ZNF169: variants seen among roughly 807,000 people sequenced by gnomAD.
ZNF169 encodes zinc finger protein 169.
ZNF169 carries 11 observed loss-of-function variants against 12.0 expected under a neutral mutation model. The observed-to-expected ratio is 0.92, with a 90% confidence interval of 0.58 to 1.52. The LOEUF is 1.52. Among genes scored for constraint, ZNF169 ranks in the 40% most tolerant of loss-of-function variants. ZNF169 has a pLI of 0.00. For synonymous variants in ZNF169, 302 were observed against 286.5 expected (o/e 1.05, Z -0.55); for missense variants, 722 against 744.0 (o/e 0.97, Z 0.34).
At chr9:94,292,525 A>G (rs199521876) in intron 3 of ZNF169, 58 bp downstream of exon 3, 4 of 1,569,872 alleles carry the variant, frequency 2.5e-6, no homozygotes, top group African/African-American at 2.7e-5. Context: ...AAGCTCTTAC[A>G]TAGCAAGCTG....
chr9:94,268,356 T>C (rs1830329612), intron 1 of ZNF169, among the ~76,000 whole-genome samples: 1 of 152,172 alleles, frequency 6.6e-6, no homozygotes, highest in Admixed American at 6.5e-5. Flanking sequence ...TATAGGAGTT[T>C]CCCATAACTT....
intron 1 of ZNF169, among the ~76,000 whole-genome samples, chr9:94,262,726 T>G (rs183910832): frequency 5.9e-5 from 9 of 152,246 alleles, no homozygotes; most frequent in African/African-American, 1.9e-4. Context: ...CCCAAAGTGC[T>G]GGGATTACAG....
intron 2 of ZNF169, among the ~76,000 whole-genome samples, chr9:94,281,877 G>A (rs1331553058): frequency 2.0e-5 from 3 of 152,156 alleles, no homozygotes; most frequent in Admixed American, 2.0e-4. Flanking sequence ...TTATTGTGCA[G>A]AAGAAGCTCT....
chr9:94,276,070 C>A (rs1564085486), intron 1 of ZNF169, among the ~76,000 whole-genome samples: 1 of 152,186 alleles, frequency 6.6e-6, no homozygotes, highest in Non-Finnish European at 1.5e-5. Context: ...AGCCACCACA[C>A]CTGGCCTGCA....
chr9:94,285,295 G>A (rs1830703465), intron 2 of ZNF169, among the ~76,000 whole-genome samples: 1 of 152,074 alleles, frequency 6.6e-6, no homozygotes, highest in Non-Finnish European at 1.5e-5. Flanking sequence ...AAAAGCTACG[G>A]GATAGACTTA....
intron 1 of ZNF169, among the ~76,000 whole-genome samples, chr9:94,277,783 T>A (rs1464022341): frequency 2.0e-5 from 3 of 151,780 alleles, no homozygotes; most frequent in South Asian, 2.1e-4. Flanking sequence ...TACAAAAAAA[T>A]TAGCCGGGCG....
intron 1 of ZNF169, among the ~76,000 whole-genome samples, chr9:94,273,575 C>CTTTTTTTTTTTTTTTTTTTTTTT (rs768421966): frequency 9.1e-6 from 1 of 109,964 alleles, no homozygotes. Flanking sequence ...AACTTTCTTT[C>CTTTTTTTTTTTTTTTTTTTTTTT]TTTCTTTTTT....
chr9:94,282,177 G>T (rs1234455065), intron 2 of ZNF169, among the ~76,000 whole-genome samples: 1 of 152,096 alleles, frequency 6.6e-6, no homozygotes, highest in East Asian at 1.9e-4. Context: ...GATATATAGG[G>T]TTAAATAAAA....
At chr9:94,280,284 C>A (rs948295951) in intron 2 of ZNF169, among the ~76,000 whole-genome samples, 1 of 152,130 alleles carries the variant, frequency 6.6e-6, no homozygotes, top group Non-Finnish European at 1.5e-5. Flanking sequence ...GTAGCACAGG[C>A]AGTTCAGGAT....
rs756018978 is a variant in ZNF169, at chr9:94,301,170, G to A, written c.1612G>A (p.Gly538Arg). The A allele has an allele frequency of 6.2e-7, 1 of 1,614,256 alleles. No individual in the cohort carries two copies. The highest frequency in any genetic ancestry group is 8.5e-7 in the Non-Finnish European group (1 of 1,180,056). ...TATCTCTGACCAAAGGACACACTCA[G>A]GAGAGAAGCCCTGCATTTGCGATGA... ...HLISDQRTHS[G>R]EKPCICDECG... Residue 538 changes from glycine (G) to arginine (R), a missense_variant, in exon 5 of 5, where the codon GGA (glycine) becomes AGA (arginine). By Grantham distance (125) the Gly-to-Arg change is moderately radical. Transcript: ENST00000395395.
intron 2 of ZNF169, among the ~76,000 whole-genome samples, chr9:94,286,187 A>G (rs1456586226): frequency 2.0e-5 from 3 of 152,206 alleles, no homozygotes; most frequent in Non-Finnish European, 4.4e-5. Context: ...CTGATAGACA[A>G]CATTTAACAT....
At position 94,292,640 on chromosome 9, in the gene ZNF169, T is replaced by TGTGTGTGC. The variant is rs35889937; in HGVS notation, c.160+174_160+175insTGTGTGCG. On this transcript the variant is annotated intron_variant, in intron 3 of 4. Coordinates refer to ENST00000395395, the MANE Select transcript of ZNF169 (RefSeq NM_194320.4). ...GTGTGTGTGTGTGTGTGTGTGTGTG[T>TGTGTGTGC]GCGCGTGCACATGCTGTGAGCGTGT... The TGTGTGTGC allele has an allele frequency of 8.0e-3, 5,943 of 739,264 alleles. 13 individuals carry two copies. The highest frequency in any genetic ancestry group is 0.025 in the East Asian group (901 of 35,596). The allele number at this position is 739,264 out of a possible 1,614,324, so 45.8% of individuals were successfully genotyped here.
intron 1 of ZNF169, among the ~76,000 whole-genome samples, chr9:94,277,312 A>G (rs1055945959): frequency 6.6e-6 from 1 of 152,158 alleles, no homozygotes; most frequent in African/African-American, 2.4e-5. Flanking sequence ...AGGTTGTAAA[A>G]TATTTCTTAT....
chr9:94,265,152 C>T (rs1347308647), intron 1 of ZNF169, among the ~76,000 whole-genome samples: 3 of 151,326 alleles, frequency 2.0e-5, no homozygotes, highest in African/African-American at 4.9e-5. Flanking sequence ...ATCCTGTTCC[C>T]GGACCAAACT....
At chr9:94,268,700 T>C (rs573053568) in intron 1 of ZNF169, among the ~76,000 whole-genome samples, 28 of 150,676 alleles carry the variant, frequency 1.9e-4, no homozygotes, top group African/African-American at 6.9e-4. Flanking sequence ...GGCAGGAGAA[T>C]TGCTTGAACC....
chr9:94,297,165 A>G (rs941301959), intron 4 of ZNF169, among the ~76,000 whole-genome samples: 2 of 149,930 alleles, frequency 1.3e-5, no homozygotes, highest in African/African-American at 5.1e-5. Context: ...TTTAACAAAA[A>G]TGCCTGCTGA....
chr9:94,296,565 G>T (rs977883801), intron 4 of ZNF169, among the ~76,000 whole-genome samples: 5 of 151,984 alleles, frequency 3.3e-5, no homozygotes, highest in Non-Finnish European at 7.4e-5. Context: ...TACTTTTTTA[G>T]GGGAGGAAGG....
chr9:94,285,603 A>G (rs1447355063), intron 2 of ZNF169, among the ~76,000 whole-genome samples: 1 of 152,232 alleles, frequency 6.6e-6, no homozygotes, highest in African/African-American at 2.4e-5. Flanking sequence ...AGAATACATT[A>G]TAAGTACACT....
rs907619901 is a variant in ZNF169 at position 94,287,849 on chromosome 9, C to T, written c.34-4492C>T. On this transcript the variant is annotated intron_variant, in intron 2 of 4. Transcript: ENST00000395395. Reference sequence around the variant, plus strand: ...TCAGGCTGGAGTTGTTCATTTTAGCCGAGAAGTAGGCGTCAGGGTCGATCT... The same window carrying T: ...TCAGGCTGGAGTTGTTCATTTTAGCTGAGAAGTAGGCGTCAGGGTCGATCT... 18 of 1,048,220 alleles carry T rather than the reference C, an allele frequency of 1.7e-5. No individual in the cohort carries two copies. The African/African-American group carries it at 1.7e-4, about 10-fold the overall frequency. The allele number at this position is 1,048,220 out of a possible 1,614,324, so 64.9% of individuals were successfully genotyped here. A position where few individuals can be genotyped will look rare whatever the true frequency, so the allele number is the denominator to read the frequency against.
Sources: allele counts gnomAD v4.1 joint callset (sites outside exome capture counted in the v4.1 genomes callset), GRCh38; gene constraint gnomAD v4.1.1; transcripts MANE v1.5; gene names NCBI Gene and HGNC (gene_info 2026-07-23, HGNC 2026-07-21).